The following SETDB2 variants were observed in gnomAD, a reference collection of about 807,000 sequenced individuals.
The protein encoded by SETDB2 is SET domain bifurcated histone lysine methyltransferase 2.
A neutral mutation model predicts 82.5 loss-of-function variants in SETDB2; 56 were observed. That is an observed-to-expected ratio of 0.68 (90% CI 0.55 to 0.85). The LOEUF (loss-of-function observed/expected upper bound fraction) is 0.85. Among genes scored for constraint, SETDB2 ranks in the 40% least tolerant of loss-of-function variants. The pLI, the probability that SETDB2 is intolerant of heterozygous loss-of-function variation, is 0.00. For missense variants in SETDB2, 677 were observed against 816.4 expected (o/e 0.83, Z 2.08); for synonymous variants, 272 against 284.9 (o/e 0.95, Z 0.46).
intron 12 of SETDB2, among the ~76,000 whole-genome samples, chr13:49,489,735 A>G (rs887373310): frequency 1.3e-5 from 2 of 148,780 alleles, no homozygotes; most frequent in African/African-American, 5.0e-5. Context: ...AGCTGAGATT[A>G]CAGGTGTGCA....
chr13:49,456,634 T>C (rs1185177784), intron 2 of SETDB2, among the ~76,000 whole-genome samples: 2 of 152,196 alleles, frequency 1.3e-5, no homozygotes, highest in Non-Finnish European at 2.9e-5. Context: ...TTTTAGGTTA[T>C]AATGCTGAGC....
intron 6 of SETDB2, among the ~76,000 whole-genome samples, chr13:49,479,039 T>C (rs1014642368): frequency 6.6e-6 from 1 of 152,184 alleles, no homozygotes; most frequent in East Asian, 1.9e-4. Context: ...AAAAACATTA[T>C]ATTGAACAAC....
intron 2 of SETDB2, among the ~76,000 whole-genome samples, chr13:49,457,557 C>T (rs1052526632): frequency 6.6e-6 from 1 of 151,808 alleles, no homozygotes; most frequent in African/African-American, 2.4e-5. Context: ...CCTCAGCCTC[C>T]CGAGTAGCTG....
At chr13:49,466,393 A>G (rs147325621) in intron 4 of SETDB2, among the ~76,000 whole-genome samples, 1 of 151,918 alleles carries the variant, frequency 6.6e-6, no homozygotes, top group Non-Finnish European at 1.5e-5. Context: ...TTATGATCAC[A>G]TCAACGTACT....
intron 13 of SETDB2, 88 bp downstream of exon 13, chr13:49,490,998 A>G: frequency 9.5e-7 from 1 of 1,054,912 alleles, no homozygotes; most frequent in Non-Finnish European, 1.4e-6. Flanking sequence ...CATACCTGTA[A>G]TCCCAGCACT....
intron 11 of SETDB2, among the ~76,000 whole-genome samples, chr13:49,487,684 T>A (rs1958624101): frequency 1.3e-5 from 2 of 152,190 alleles, no homozygotes; most frequent in Admixed American, 1.3e-4. Flanking sequence ...ATTTTCCTTA[T>A]TGGATAAGAA....
Position 49,480,998 on chromosome 13 carries a change from C to G in SETDB2, c.1038C>G (p.Asn346Lys). The G allele has an allele frequency of 6.2e-7, 1 of 1,614,134 alleles. No individual in the cohort carries two copies. The highest frequency in any genetic ancestry group is 8.5e-7 in the Non-Finnish European group (1 of 1,179,996). ...LCKCNRQLCQ[N>K]RVVQHGPQVR... ...AATGTAATCGACAATTGTGTCAAAA[C>G]CGAGTTGTCCAACATGGTCCTCAAG... Residue 346 changes from asparagine (N) to lysine (K), a missense_variant, in exon 8 of 14, where the codon AAC becomes AAG. Transcript: ENST00000611815.
In SETDB2 at chr13:49,451,804, C is replaced by A; in HGVS notation, c.-90C>A. The A allele has an allele frequency of 9.9e-7, 1 of 1,010,898 alleles. No individual in the cohort carries two copies. Among genetic ancestry groups the A allele is most frequent in the South Asian group, 1.5e-5 (1 of 65,690 alleles). The allele number at this position is 1,010,898 out of a possible 1,614,324, so 62.6% of individuals were successfully genotyped here. A position where few individuals can be genotyped will look rare whatever the true frequency, so the allele number is the denominator to read the frequency against. On this transcript the variant is annotated 5_prime_UTR_variant, in exon 2 of 14. Coordinates refer to ENST00000611815, the MANE Select transcript of SETDB2 (RefSeq NM_001160308.3). The stretch of plus-strand genomic sequence containing the variant: ...CTGAGGACTGCAAATTTTATAGAGA[C>A]CACAGTTGGATTCCAGTGATATTCT...
intron 1 of SETDB2, among the ~76,000 whole-genome samples, chr13:49,446,144 C>G (rs61959992): frequency 0.51 from 77,427 of 151,782 alleles, 20,037 homozygotes; most frequent in Middle Eastern, 0.56. Flanking sequence ...TGACAATATG[C>G]TATAAAAAGC....
At chr13:49,479,296 CAACT>C (rs976295773) in intron 6 of SETDB2, among the ~76,000 whole-genome samples, 9 of 152,082 alleles carry the variant, frequency 5.9e-5, no homozygotes, top group Non-Finnish European at 1.2e-4. Flanking sequence ...AAAATGCTGA[CAACT>C]AATTCTGGAT....
intron 1 of SETDB2, among the ~76,000 whole-genome samples, chr13:49,447,613 T>G (rs1025263609): frequency 1.3e-5 from 2 of 152,084 alleles, no homozygotes; most frequent in Middle Eastern, 3.4e-3. Flanking sequence ...TTATATTGAA[T>G]TGTTTTGTTT....
chr13:49,483,609 ATTTTTTTTTTTTTTTTTTTTTT>A (rs745508872), intron 10 of SETDB2, 46 bp downstream of exon 10: 13 of 220,512 alleles, frequency 5.9e-5, no homozygotes, highest in Admixed American at 5.2e-4. Flanking sequence ...TCTTTTTTAA[ATTTTTTTTTTTTTTTTTTTTTT>A]TTTTTTTTTT....
At chr13:49,474,326 C>A (rs760572075) in intron 5 of SETDB2, among the ~76,000 whole-genome samples, 8 of 152,088 alleles carry the variant, frequency 5.3e-5, no homozygotes, top group Admixed American at 6.6e-5. Context: ...ACTCTGAAAT[C>A]CAAAAGCATC....
intron 8 of SETDB2, among the ~76,000 whole-genome samples, 180 bp from the exon 9 acceptor site, chr13:49,482,557 G>A (rs962220273): frequency 1.6e-4 from 25 of 151,626 alleles, no homozygotes; most frequent in African/African-American, 5.3e-4. Context: ...TTCATATACT[G>A]GAAGATAAGA....
chr13:49,451,472 T>C (rs1232293356), intron 1 of SETDB2, 81 bp from the exon 2 acceptor site: 1 of 50,260 alleles, frequency 2.0e-5, no homozygotes, highest in East Asian at 4.7e-4. Context: ...TATTTCCTTA[T>C]ATATACATAT....
intron 2 of SETDB2, among the ~76,000 whole-genome samples, chr13:49,453,886 T>C (rs1471944402): frequency 2.1e-5 from 3 of 146,302 alleles, no homozygotes; most frequent in African/African-American, 7.5e-5. Flanking sequence ...ATATATATAC[T>C]AACTTATATA....
At chr13:49,490,279 CAA>C (rs60013535) in intron 12 of SETDB2, among the ~76,000 whole-genome samples, 14 of 83,180 alleles carry the variant, frequency 1.7e-4, no homozygotes, top group Admixed American at 1.6e-4. Context: ...GACTCCGTCT[CAA>C]AAAAAAAAAA....
In SETDB2 at chr13:49,467,898, C is replaced by G; in HGVS notation, c.243C>G (p.Asn81Lys). The G allele has an allele frequency of 6.2e-7, 1 of 1,611,258 alleles. No homozygotes were observed. The highest frequency in any genetic ancestry group is 8.5e-7 in the Non-Finnish European group (1 of 1,179,036). The change falls in exon 5 of 14, where the codon AAC (asparagine) becomes AAG (lysine). Residue 81 changes from asparagine (N) to lysine (K), a missense_variant. This residue lies in a region of SETDB2 where 243 missense variants were observed against 237.2 expected (regional missense o/e 1.02). Transcript: ENST00000611815. ...CTGTGACTCAGAAGGAACAGGAAAA[C>G]AAATCCAATGCATTTCCCTCTACAT... is the stretch of plus-strand genomic sequence containing the variant. ...PMPVTQKEQE[N>K]KSNAFPSTSC... is the part of the protein sequence containing the mutation.
intron 5 of SETDB2, 127 bp from the exon 6 acceptor site, chr13:49,476,349 A>C: frequency 1.4e-6 from 1 of 700,238 alleles, no homozygotes; most frequent in East Asian, 2.8e-5. Context: ...AGAACATCTT[A>C]AAATGTGTAT....
Sources: allele counts gnomAD v4.1 joint callset (sites outside exome capture counted in the v4.1 genomes callset), GRCh38; gene constraint gnomAD v4.1.1; regional missense constraint gnomAD v4.1.1; transcripts MANE v1.5; gene names NCBI Gene and HGNC (gene_info 2026-07-23, HGNC 2026-07-21).